Variants in TP53BP1 observed in about 807,000 individuals in gnomAD.
TP53BP1 encodes tumor protein p53 binding protein 1, also known as TP53-binding protein 1.
A neutral mutation model predicts 200.8 loss-of-function variants in TP53BP1; 61 were observed. The observed-to-expected ratio is 0.30, with a 90% CI of 0.25 to 0.38. The LOEUF is 0.38. Ranked by LOEUF, TP53BP1 falls within the 10% of genes least tolerant of loss-of-function variation. TP53BP1 has a pLI of 1.00. For synonymous variants in TP53BP1, 822 were observed against 844.3 expected (o/e 0.97, Z 0.46); for missense variants, 2,144 against 2,371.9 (o/e 0.90, Z 2.00).
chr15:43,474,514 C>T (rs2046808469), intron 10 of TP53BP1, among the ~76,000 whole-genome samples, 159 bp downstream of exon 10: 1 of 149,070 alleles, frequency 6.7e-6, no homozygotes, highest in African/African-American at 2.5e-5. Context: ...CAGCACTTTA[C>T]AGTAGGTCAC....
At chr15:43,440,112 TTTTA>T (rs2045890768) in intron 15 of TP53BP1, among the ~76,000 whole-genome samples, 1 of 152,218 alleles carries the variant, frequency 6.6e-6, no homozygotes, top group African/African-American at 2.4e-5. Context: ...CACAGGCCTC[TTTTA>T]TTTGATATTT....
At chr15:43,427,972 A>AG in intron 18 of TP53BP1, 44 bp downstream of exon 18, 1 of 1,377,292 alleles carries the variant, frequency 7.3e-7, no homozygotes. Context: ...AAAAAAAAAA[A>AG]AGAAAGAAAG....
In TP53BP1 at chr15:43,446,608, G is replaced by T; in HGVS notation, c.2837-18C>A. On this transcript the variant is annotated intron_variant, in intron 13 of 27. Coordinates refer to ENST00000382044, the MANE Select transcript of TP53BP1 (RefSeq NM_001141980.3). ...GCTAATACCTGAAAGAAGTGAGGCA[G>T]GGAGGAAGAAAAAAAGAACACTAAA... 1 of 1,602,594 alleles carries T rather than the reference G, an allele frequency of 6.2e-7. No homozygotes were observed. The highest frequency in any genetic ancestry group is 8.5e-7 in the Non-Finnish European group (1 of 1,173,914).
chr15:43,438,617 A>G (rs1460288542), intron 15 of TP53BP1, among the ~76,000 whole-genome samples: 2 of 151,612 alleles, frequency 1.3e-5, no homozygotes, highest in African/African-American at 4.8e-5. Flanking sequence ...ACTGGAAATA[A>G]GGTGGACAGA....
At chr15:43,427,033 A>AG (rs556170387) in intron 18 of TP53BP1, among the ~76,000 whole-genome samples, 3 of 151,606 alleles carry the variant, frequency 2.0e-5, no homozygotes, top group Non-Finnish European at 4.4e-5. Flanking sequence ...AAAAAAAAAA[A>AG]AAAGAAAATA....
rs751830186 is a variant in TP53BP1 at position 43,407,401 on chromosome 15, G to A, written c.5916C>T (p.His1972=). ...AGTATCTTTAGTGAGAAACATAATCGTGTTTATATTTTGGATGCTGCTTGA... is the reference window on the plus strand; with the variant it reads ...AGTATCTTTAGTGAGAAACATAATCATGTTTATATTTTGGATGCTGCTTGA... ...IGFKQHPKYK[H]DYVSH The change falls in exon 28 of 28, where the codon CAC becomes CAT. Residue 1972 remains histidine (H), a synonymous_variant. Transcript: ENST00000382044. The A allele has an allele frequency of 6.8e-6, 11 of 1,613,956 alleles. No individual in the cohort carries two copies. The highest frequency in any genetic ancestry group is 1.6e-4 in the Middle Eastern group (1 of 6,084).
upstream of TP53BP1, among the ~76,000 whole-genome samples, chr15:43,493,341 G>A (rs936218594): frequency 2.6e-5 from 4 of 152,202 alleles, no homozygotes; most frequent in Non-Finnish European, 5.9e-5. Flanking sequence ...AGTAGAGCCG[G>A]AGAATGACGG....
intron 1 of TP53BP1, among the ~76,000 whole-genome samples, chr15:43,501,045 T>A (rs1175230019): frequency 6.6e-6 from 1 of 152,054 alleles, no homozygotes; most frequent in Non-Finnish European, 1.5e-5. Flanking sequence ...AACACATATA[T>A]ATAAAGTTAA....
chr15:43,474,348 G>C (rs536866976), intron 10 of TP53BP1, among the ~76,000 whole-genome samples: 8 of 152,164 alleles, frequency 5.3e-5, no homozygotes, highest in African/African-American at 1.9e-4. Flanking sequence ...GTGGGCTGAA[G>C]GGCTCCTCAA....
intron 11 of TP53BP1, among the ~76,000 whole-genome samples, chr15:43,461,451 C>G (rs1036675084): frequency 6.6e-6 from 1 of 152,018 alleles, no homozygotes; most frequent in Non-Finnish European, 1.5e-5. Flanking sequence ...CTCCTAGGTT[C>G]AAGCAATCTG....
chr15:43,464,377 C>T (rs1423084019), intron 11 of TP53BP1, among the ~76,000 whole-genome samples: 2 of 151,436 alleles, frequency 1.3e-5, no homozygotes, highest in Non-Finnish European at 2.9e-5. Context: ...AATTAAAAAC[C>T]CAAGAGTAGA....
Position 43,406,730 on chromosome 15 carries a change from T to C in TP53BP1, c.*653A>G. 2.5e-6 allele frequency: 1 copy of C among 406,532 alleles called. No individual in the cohort carries two copies. Among genetic ancestry groups the C allele is most frequent in the Admixed American group, 3.0e-5 (1 of 33,420 alleles). 25.2% of individuals were successfully genotyped at this position (406,532 alleles called of 1,614,324 possible). Reference sequence around the variant, plus strand: ...ATAATAATAATATTGGGTCTTTGACTAGAACGTGTAACATTTCCAGGTGTT... The same window carrying C: ...ATAATAATAATATTGGGTCTTTGACCAGAACGTGTAACATTTCCAGGTGTT... On this transcript the variant is annotated 3_prime_UTR_variant, in exon 28 of 28. Transcript: ENST00000382044.
rs538883865 is a variant in TP53BP1, at chr15:43,408,502, G to A, written c.5600+395C>T. ...TCTTAAAAAACTAAGCCCTATATTA[G>A]GGTCCCCCTTCTCTTCCTTCTTTCT... is the stretch of plus-strand genomic sequence containing the variant. On this transcript the variant is annotated intron_variant, in intron 26 of 27. Transcript: ENST00000382044. 34 of 269,874 alleles carry A rather than the reference G, an allele frequency of 1.3e-4. 1 individual carries two copies. Among genetic ancestry groups the A allele is most frequent in the African/African-American group, 7.3e-4 (33 of 45,504 alleles). 16.7% of individuals were successfully genotyped at this position (269,874 alleles called of 1,614,324 possible). A position where few individuals can be genotyped will look rare whatever the true frequency, so the allele number is the denominator to read the frequency against.
chr15:43,422,230 A>C, intron 18 of TP53BP1, 104 bp from the exon 19 acceptor site: 1 of 1,306,492 alleles, frequency 7.7e-7, no homozygotes, highest in Non-Finnish European at 1.1e-6. Context: ...ATAATTCAAA[A>C]AGGTGAGAAT....
At chr15:43,492,532 C>T in intron 1 of TP53BP1, 64 bp from the exon 2 acceptor site, 1 of 1,374,976 alleles carries the variant, frequency 7.3e-7, no homozygotes, top group Non-Finnish European at 1.0e-6. Flanking sequence ...GCAGTCTAAA[C>T]CTAAATAATG....
chr15:43,482,007 C>G (rs1490998342), intron 4 of TP53BP1, among the ~76,000 whole-genome samples: 1 of 151,630 alleles, frequency 6.6e-6, no homozygotes, highest in Non-Finnish European at 1.5e-5. Context: ...GAGGGCGCAT[C>G]ACGAGATCAG....
At chr15:43,420,187 T>G (rs2045361982) in intron 21 of TP53BP1, 118 bp downstream of exon 21, 1 of 1,006,762 alleles carries the variant, frequency 9.9e-7, no homozygotes, top group South Asian at 1.6e-5. Flanking sequence ...GGAATGAAAT[T>G]TCTGACTTTA....
chr15:43,461,841 G>A (rs1039173934), intron 11 of TP53BP1, among the ~76,000 whole-genome samples: 7 of 151,374 alleles, frequency 4.6e-5, no homozygotes, highest in Admixed American at 1.3e-4. Context: ...GCTAATTTTT[G>A]TACTTTTTAG....
At position 43,405,133 on chromosome 15, in the gene TP53BP1, A is replaced by AT. The variant is rs1595507435; in HGVS notation, c.*2249dup. The AT allele has an allele frequency of 8.4e-6, 13 of 1,554,502 alleles. No individual in the cohort carries two copies. The East Asian group carries it at 2.7e-4, about 32-fold the overall frequency. On this transcript the variant is annotated 3_prime_UTR_variant, in exon 28 of 28. Transcript: ENST00000382044. ...ATTATTTAGATCACAGGTTATCCTG[A>AT]TTCATATTTCTTTGAAGGTAGTCTT...
Sources: allele counts gnomAD v4.1 joint callset (sites outside exome capture counted in the v4.1 genomes callset), GRCh38; gene constraint gnomAD v4.1.1; transcripts MANE v1.5; gene names NCBI Gene and HGNC (gene_info 2026-07-23, HGNC 2026-07-21).